NUBPL: variants seen among roughly 807,000 people sequenced by gnomAD.
The protein encoded by NUBPL is iron-sulfur cluster transfer protein NUBPL.
Under a neutral mutation model 45.7 loss-of-function variants are expected in NUBPL, and 31 were observed. That is an observed-to-expected ratio of 0.68 (90% CI 0.51 to 0.92). The LOEUF (loss-of-function observed/expected upper bound fraction) is 0.92, where lower values mean the gene tolerates loss of function less well. NUBPL is among the 40% of genes least tolerant of loss of function. The pLI is 0.00. For missense variants in NUBPL, 401 were observed against 398.7 expected, an observed-to-expected ratio of 1.01 and a Z score of -0.05; for synonymous variants, 144 against 140.9, an observed-to-expected ratio of 1.02 and a Z score of -0.15.
chr14:31,774,925 G>T (rs1173435002), intron 6 of NUBPL, among the ~76,000 whole-genome samples: 1 of 152,044 alleles, frequency 6.6e-6, no homozygotes, highest in Non-Finnish European at 1.5e-5. Context: ...CTATGTAGGT[G>T]CCCCCAGCCA....
At chr14:31,793,642 G>A (rs991897487) in intron 7 of NUBPL, among the ~76,000 whole-genome samples, 4 of 152,018 alleles carry the variant, frequency 2.6e-5, no homozygotes, top group Admixed American at 6.6e-5. Context: ...TTTTATCTGT[G>A]ACTGTATTAT....
intron 6 of NUBPL, among the ~76,000 whole-genome samples, chr14:31,737,966 CA>C (rs2038199327): frequency 6.6e-6 from 1 of 152,072 alleles, no homozygotes; most frequent in African/African-American, 2.4e-5. Flanking sequence ...TTTGTAAGCA[CA>C]CTTTTCACTT....
At chr14:31,590,246 A>G (rs1318631826) in intron 3 of NUBPL, among the ~76,000 whole-genome samples, 2 of 152,100 alleles carry the variant, frequency 1.3e-5, no homozygotes, top group Non-Finnish European at 2.9e-5. Flanking sequence ...GTTCAGGCAG[A>G]ACAATCCTTT....
intron 10 of NUBPL, among the ~76,000 whole-genome samples, chr14:31,852,099 T>C (rs1462722031): frequency 6.6e-6 from 1 of 152,232 alleles, no homozygotes; most frequent in Admixed American, 6.5e-5. Context: ...TTTGCCACTT[T>C]CGATGTGTGA....
At chr14:31,810,873 A>G (rs1037793286) in intron 7 of NUBPL, among the ~76,000 whole-genome samples, 3 of 152,170 alleles carry the variant, frequency 2.0e-5, no homozygotes, top group Non-Finnish European at 4.4e-5. Flanking sequence ...TCCTTCCCTT[A>G]TGAAGCTTAG....
chr14:31,696,013 T>C (rs1560425), intron 6 of NUBPL, among the ~76,000 whole-genome samples: 2 of 152,252 alleles, frequency 1.3e-5, no homozygotes, highest in Non-Finnish European at 2.9e-5. Flanking sequence ...GAAAGCAATA[T>C]AAATAAAGTA....
intron 8 of NUBPL, among the ~76,000 whole-genome samples, chr14:31,835,062 G>T (rs1490089192): frequency 1.3e-5 from 2 of 152,124 alleles, no homozygotes; most frequent in African/African-American, 4.8e-5. Context: ...AAATGGGGAG[G>T]AGTTAAGGAG....
At chr14:31,745,566 T>TGAGCCACCGCA (rs2038380753) in intron 6 of NUBPL, among the ~76,000 whole-genome samples, 16 of 152,100 alleles carry the variant, frequency 1.1e-4, no homozygotes, top group African/African-American at 3.9e-4. Flanking sequence ...AGTGCTGGTG[T>TGAGCCACCGCA]TGATTTCTTT....
rs111369983 is a variant in NUBPL, at chr14:31,782,178, C to T, written c.514-5602C>T. Among the ~76,000 whole-genome samples, 63 of 152,240 alleles carry T rather than the reference C, an allele frequency of 4.1e-4. 1 individual carries two copies. Among genetic ancestry groups the T allele is most frequent in the African/African-American group, 1.3e-3 (56 of 41,526 alleles). ...TTGGGAGGCCGAGGCAGGCATATCA[C>T]GAGGTTAGGAGTTCAAGAGCAACCT... On this transcript the variant is annotated intron_variant, in intron 6 of 10. Transcript: ENST00000281081.
chr14:31,642,663 A>G (rs1351529357), intron 4 of NUBPL, among the ~76,000 whole-genome samples: 2 of 152,088 alleles, frequency 1.3e-5, no homozygotes, highest in Non-Finnish European at 1.5e-5. Flanking sequence ...TGTTTTGGCT[A>G]TCCTGGGCCT....
chr14:31,753,640 A>G (rs2038582698), intron 6 of NUBPL, among the ~76,000 whole-genome samples: 1 of 152,050 alleles, frequency 6.6e-6, no homozygotes, highest in Non-Finnish European at 1.5e-5. Context: ...CTGTGCTAGT[A>G]CACCTTGGGT....
intron 7 of NUBPL, among the ~76,000 whole-genome samples, chr14:31,816,536 C>T (rs1351865170): frequency 6.6e-6 from 1 of 151,922 alleles, no homozygotes; most frequent in East Asian, 1.9e-4. Flanking sequence ...TCCTTCAGTT[C>T]TGCTCTGATC....
intron 4 of NUBPL, among the ~76,000 whole-genome samples, chr14:31,610,608 C>CAAAAATAAAAAA (rs2034728006): frequency 1.1e-5 from 1 of 94,708 alleles, no homozygotes; most frequent in African/African-American, 4.4e-5. Context: ...AAAGATACAT[C>CAAAAATAAAAAA]AAAAAAAAAA....
chr14:31,748,664 A>G (rs751896267), intron 6 of NUBPL, among the ~76,000 whole-genome samples: 17 of 151,926 alleles, frequency 1.1e-4, no homozygotes, highest in Non-Finnish European at 1.9e-4. Flanking sequence ...CCAGGTTGGT[A>G]TGCAGTGGAG....
intron 7 of NUBPL, among the ~76,000 whole-genome samples, chr14:31,815,775 T>C (rs939895939): frequency 1.4e-5 from 2 of 145,240 alleles, no homozygotes; most frequent in African/African-American, 5.8e-5. Context: ...AAGGCCTTTT[T>C]GCATCTATTG....
chr14:31,619,883 A>G (rs972515469), intron 4 of NUBPL, among the ~76,000 whole-genome samples: 1 of 152,096 alleles, frequency 6.6e-6, no homozygotes, highest in Non-Finnish European at 1.5e-5. Flanking sequence ...GTGTTTTCCA[A>G]CTTGGTTCCA....
At chr14:31,567,960 T>A (rs1229558699) in intron 3 of NUBPL, among the ~76,000 whole-genome samples, 1 of 152,246 alleles carries the variant, frequency 6.6e-6, no homozygotes, top group African/African-American at 2.4e-5. Flanking sequence ...CCTGCTAATG[T>A]CACCCTCTTT....
intron 4 of NUBPL, among the ~76,000 whole-genome samples, chr14:31,672,815 A>G (rs530630760): frequency 4.6e-5 from 7 of 152,296 alleles, no homozygotes; most frequent in East Asian, 1.9e-4. Flanking sequence ...CTATTTATCA[A>G]TGTTGTGTCT....
At position 31,621,309 on chromosome 14, in the gene NUBPL, G is replaced by A. The variant is rs367565310; in HGVS notation, c.382+21930G>A. Among the ~76,000 whole-genome samples, 18 of 152,114 alleles carry A rather than the reference G, an allele frequency of 1.2e-4. 1 individual carries two copies. Among genetic ancestry groups the A allele is most frequent in the South Asian group, 4.2e-4 (2 of 4,814 alleles). ...GTGAACGGTTTTTTTTCTCACTGGC[G>A]TTCCAGGTGCCACTGAGGTATGAAA... On this transcript the variant is annotated intron_variant, in intron 4 of 10. Transcript: ENST00000281081.
Sources: allele counts gnomAD v4.1 joint callset (sites outside exome capture counted in the v4.1 genomes callset), GRCh38; gene constraint gnomAD v4.1.1; transcripts MANE v1.5; gene names NCBI Gene and HGNC (gene_info 2026-07-23, HGNC 2026-07-21).